The following APOE variants were observed in gnomAD, a reference collection of about 807,000 sequenced individuals.
APOE encodes apolipoprotein E3.
A neutral mutation model predicts 13.1 loss-of-function variants in APOE; 10 were observed. That is an observed-to-expected ratio of 0.76 (90% CI 0.47 to 1.29). The LOEUF (loss-of-function observed/expected upper bound fraction) is 1.29. Among genes scored for constraint, APOE ranks in the 50% most tolerant of loss-of-function variants. APOE has a pLI of 0.00. For synonymous variants in APOE, 211 were observed against 207.1 expected, an observed-to-expected ratio of 1.02 and a Z score of -0.16; for missense variants, 471 against 459.6, an observed-to-expected ratio of 1.02 and a Z score of -0.23.
At position 44,908,588 on chromosome 19, in the gene APOE, G is replaced by C. The variant is rs1440786605; in HGVS notation, c.292G>C (p.Glu98Gln). ...GAAGGCCTACAAATCGGAACTGGAG[G>C]AACAACTGACCCCGGTGGCGGAGGA... Reference protein sequence around the residue: ...ELKAYKSELEEQLTPVAEETR... With the variant: ...ELKAYKSELEQQLTPVAEETR... Residue 98 changes from glutamate (E) to glutamine (Q), a missense_variant, in exon 4 of 4, where the codon GAA becomes CAA. Glu to Gln is a conservative substitution (Grantham distance 29). Transcript: ENST00000252486. 2 of 1,613,438 alleles carry C rather than the reference G, an allele frequency of 1.2e-6. No homozygotes were observed. Among genetic ancestry groups the C allele is most frequent in the Admixed American group, 1.7e-5 (1 of 59,966 alleles).
Position 44,909,249 on chromosome 19 carries a change from G to A in APOE, c.953G>A (p.Ter318=), listed in dbSNP as rs775113061. ...GCCCCTGTGCCCAGCGACAATCACT[G>A]AACGCCGAAGCCTGCAGCCATGCGA... ...SAAPVPSDNH[*] is the part of the protein sequence containing the mutation. Residue 318 remains the stop codon, a stop_retained_variant, in exon 4 of 4, where the codon TGA becomes TAA. Transcript: ENST00000252486. The A allele has an allele frequency of 2.5e-6, 4 of 1,596,332 alleles. No homozygotes were observed. In the East Asian group the frequency reaches 6.7e-5, roughly 27 times the overall value.
chr19:44,906,672 G>C lies in APOE; in HGVS notation c.43+5G>C. 2 of 1,613,976 alleles carry C rather than the reference G, an allele frequency of 1.2e-6. No individual in the cohort carries two copies. The highest frequency in any genetic ancestry group is 1.7e-6 in the Non-Finnish European group (2 of 1,179,964). On this transcript the variant is annotated splice_donor_5th_base_variant and intron_variant, in intron 2 of 3. Coordinates refer to ENST00000252486, the MANE Select transcript of APOE (RefSeq NM_000041.4). ...TGCTGGTCACATTCCTGGCAGGTATGGGGGCGGGGCTTGCTCGGTTCCCCC... is the reference window on the plus strand; with the variant it reads ...TGCTGGTCACATTCCTGGCAGGTATCGGGGCGGGGCTTGCTCGGTTCCCCC...
chr19:44,908,506 G>A (rs377197947), intron 3 of APOE, 27 bp from the exon 4 acceptor site: 4 of 1,611,446 alleles, frequency 2.5e-6, no homozygotes, highest in Non-Finnish European at 2.5e-6. Flanking sequence ...CCCACTGTGC[G>A]ACACCCTCCC....
chr19:44,906,501 C>A, intron 1 of APOE, 101 bp from the exon 2 acceptor site: 1 of 1,259,270 alleles, frequency 7.9e-7, no homozygotes, highest in Non-Finnish European at 1.2e-6. Context: ...GATAATGCAA[C>A]AAGGCTTGGA....
rs139061516 is a variant in APOE, at chr19:44,906,672, G to A, written c.43+5G>A. On this transcript the variant is annotated splice_donor_5th_base_variant and intron_variant, in intron 2 of 3. Transcript: ENST00000252486. ...TGCTGGTCACATTCCTGGCAGGTAT[G>A]GGGGCGGGGCTTGCTCGGTTCCCCC... The A allele has an allele frequency of 1.9e-6, 3 of 1,613,976 alleles. No individual in the cohort carries two copies. Among genetic ancestry groups the A allele is most frequent in the East Asian group, 2.2e-5 (1 of 44,856 alleles).
rs1330553726 is a variant in APOE at position 44,909,033 on chromosome 19, G to T, written c.737G>T (p.Arg246Leu). 2 of 1,546,210 alleles carry T rather than the reference G, an allele frequency of 1.3e-6. No individual in the cohort carries two copies. Among genetic ancestry groups the T allele is most frequent in the South Asian group, 1.2e-5 (1 of 84,788 alleles). Residue 246 changes from arginine to leucine, a missense_variant, in exon 4 of 4, where the codon CGC becomes CTC. By Grantham distance (102) the Arg-to-Leu change is moderately radical (BLOSUM62 -2). Transcript: ENST00000252486. Reference protein sequence around the residue: ...MEEMGSRTRDRLDEVKEQVAE... With the variant: ...MEEMGSRTRDLLDEVKEQVAE... Reference sequence around the variant, plus strand: ...GAGATGGGCAGCCGGACCCGCGACCGCCTGGACGAGGTGAAGGAGCAGGTG... The same window carrying T: ...GAGATGGGCAGCCGGACCCGCGACCTCCTGGACGAGGTGAAGGAGCAGGTG...
rs1334659551 is a variant in APOE, at chr19:44,906,674, G to A, written c.43+7G>A. On this transcript the variant is annotated splice_region_variant and intron_variant, in intron 2 of 3. Coordinates refer to ENST00000252486, the MANE Select transcript of APOE (RefSeq NM_000041.4). ...CTGGTCACATTCCTGGCAGGTATGG[G>A]GGCGGGGCTTGCTCGGTTCCCCCCG... 6 of 1,613,958 alleles carry A rather than the reference G, an allele frequency of 3.7e-6. No individual in the cohort carries two copies. Among genetic ancestry groups the A allele is most frequent in the Non-Finnish European group, 4.2e-6 (5 of 1,179,970 alleles).
Position 44,907,981 on chromosome 19 carries a change from C to T in APOE, c.236+29C>T. On this transcript the variant is annotated intron_variant, in intron 3 of 3. Transcript: ENST00000252486. This position sits in a 1 kb window ranked among gnomAD's most constrained non-coding sequence, Gnocchi z 4.1. ...AGTGTCCCCATCCTGGCCCTTGACC[C>T]TCCTGGTGGGCGGCTATACCTCCCC... 1 of 1,607,272 alleles carries T rather than the reference C, an allele frequency of 6.2e-7. No homozygotes were observed. Among genetic ancestry groups the T allele is most frequent in the Non-Finnish European group, 8.5e-7 (1 of 1,177,096 alleles).
Position 44,909,270 on chromosome 19 carries a change from T to G in APOE, c.*20T>G, listed in dbSNP as rs201463764. ...CACTGAACGCCGAAGCCTGCAGCCATGCGACCCCACGCCACCCCGTGCCTC... is the reference window on the plus strand; with the variant it reads ...CACTGAACGCCGAAGCCTGCAGCCAGGCGACCCCACGCCACCCCGTGCCTC... On this transcript the variant is annotated 3_prime_UTR_variant, in exon 4 of 4. Transcript: ENST00000252486. 4.4e-6 allele frequency: 7 copies of G among 1,593,874 alleles called. No individual in the cohort carries two copies. The highest frequency in any genetic ancestry group is 5.1e-6 in the Non-Finnish European group (6 of 1,177,378).
In APOE at chr19:44,907,893, G is replaced by T; in HGVS notation, c.177G>T (p.Gln59His). The change falls in exon 3 of 4, where the codon CAG becomes CAT. Residue 59 changes from glutamine to histidine, a missense_variant. Transcript: ENST00000252486. The surrounding 1 kb of genome is among the most constrained non-coding windows in gnomAD (Gnocchi z 4.1). ...GRFWDYLRWV[Q>H]TLSEQVQEEL... is the part of the protein sequence containing the mutation. ...TTTGGGATTACCTGCGCTGGGTGCA[G>T]ACACTGTCTGAGCAGGTGCAGGAGG... is the stretch of plus-strand genomic sequence containing the variant. 1 of 1,614,042 alleles carries T rather than the reference G, an allele frequency of 6.2e-7. No individual in the cohort carries two copies. The highest frequency in any genetic ancestry group is 8.5e-7 in the Non-Finnish European group (1 of 1,179,948).
Position 44,909,274 on chromosome 19 carries a change from AC to A in APOE, c.*28del, listed in dbSNP as rs1969891474. 2 of 1,588,610 alleles carry A rather than the reference AC, an allele frequency of 1.3e-6. No homozygotes were observed. Among genetic ancestry groups the A allele is most frequent in the East Asian group, 4.5e-5 (2 of 44,768 alleles). ...GAACGCCGAAGCCTGCAGCCATGCG[AC>A]CCCACGCCACCCCGTGCCTCCTGCC... On this transcript the variant is annotated 3_prime_UTR_variant, in exon 4 of 4. Transcript: ENST00000252486.
At position 44,906,693 on chromosome 19, in the gene APOE, C is replaced by A. The variant is rs530431608; in HGVS notation, c.43+26C>A. On this transcript the variant is annotated intron_variant, in intron 2 of 3. Coordinates refer to ENST00000252486, the MANE Select transcript of APOE (RefSeq NM_000041.4). Reference sequence around the variant, plus strand: ...GTATGGGGGCGGGGCTTGCTCGGTTCCCCCCGCTCCTCCCCCTCTCATCCT... The same window carrying A: ...GTATGGGGGCGGGGCTTGCTCGGTTACCCCCGCTCCTCCCCCTCTCATCCT... 8.7e-6 allele frequency: 14 copies of A among 1,609,706 alleles called. No homozygotes were observed. The South Asian group carries it at 1.5e-4, about 18-fold the overall frequency.
intron 1 of APOE, among the ~76,000 whole-genome samples, chr19:44,906,194 C>T (rs1395447905): frequency 2.0e-5 from 3 of 152,042 alleles, no homozygotes; most frequent in African/African-American, 4.8e-5. Context: ...GGTAGCTAGC[C>T]GTCGATTGGA....
Position 44,907,067 on chromosome 19 carries a change from G to C in APOE, c.43+400G>C. 4.0e-6 allele frequency: 1 copy of C among 247,538 alleles called. No homozygotes were observed. The highest frequency in any genetic ancestry group is 8.0e-6 in the Non-Finnish European group (1 of 124,872). The allele number at this position is 247,538 out of a possible 1,614,324, so 15.3% of individuals were successfully genotyped here. ...GACTAACTTTTTTGTATTTTCAGTA[G>C]AGACGGGGTTTCACCATGTTGGCCA... On this transcript the variant is annotated intron_variant, in intron 2 of 3. Transcript: ENST00000252486. The surrounding 1 kb of genome is among the most constrained non-coding windows in gnomAD (Gnocchi z 4.1).
chr19:44,906,014 G>A, intron 1 of APOE, 173 bp downstream of exon 1: 2 of 1,038,532 alleles, frequency 1.9e-6, no homozygotes, highest in Non-Finnish European at 2.5e-6. Flanking sequence ...GGGAAGGGCT[G>A]GGCAGCAGAG....
chr19:44,905,824 G>T lies in APOE; in HGVS notation c.-41G>T. On this transcript the variant is annotated 5_prime_UTR_variant, in exon 1 of 4. Transcript: ENST00000252486. ...CTCAGCCCCAGCGGAGGTGAAGGAC[G>T]TCCTTCCCCAGGAGCCGGTGAGAAG... 1 of 1,295,728 alleles carries T rather than the reference G, an allele frequency of 7.7e-7. No homozygotes were observed. Among genetic ancestry groups the T allele is most frequent in the Non-Finnish European group, 1.0e-6 (1 of 984,642 alleles). The allele number at this position is 1,295,728 out of a possible 1,614,324, so 80.3% of individuals were successfully genotyped here.
intron 1 of APOE, chr19:44,906,280 G>A (rs1199509478): frequency 6.7e-6 from 3 of 448,932 alleles, no homozygotes; most frequent in Non-Finnish European, 1.2e-5. Context: ...CTTAGAATGT[G>A]AAGGGAGAAT....
Position 44,909,014 on chromosome 19 carries a change from G to C in APOE, c.718G>C (p.Gly240Arg), listed in dbSNP as rs1440369210. Residue 240 changes from glycine to arginine, a missense_variant, in exon 4 of 4, where the codon GGC (glycine) becomes CGC (arginine). Transcript: ENST00000252486. The stretch of plus-strand genomic sequence containing the variant: ...GCTGCGCGCGCGGATGGAGGAGATG[G>C]GCAGCCGGACCCGCGACCGCCTGGA... ...ERLRARMEEM[G>R]SRTRDRLDEV... 3.3e-6 allele frequency: 5 copies of C among 1,537,546 alleles called. No homozygotes were observed. Among genetic ancestry groups the C allele is most frequent in the Non-Finnish European group, 4.4e-6 (5 of 1,147,270 alleles).
chr19:44,907,806 C>A lies in APOE; in HGVS notation c.90C>A (p.Pro30=). The A allele has an allele frequency of 3.7e-6, 6 of 1,613,720 alleles. No homozygotes were observed. Among genetic ancestry groups the A allele is most frequent in the Non-Finnish European group, 5.1e-6 (6 of 1,179,940 alleles). Residue 30 remains proline (P), a synonymous_variant, in exon 3 of 4, where the codon CCC becomes CCA. Coordinates refer to ENST00000252486, the MANE Select transcript of APOE (RefSeq NM_000041.4). The surrounding 1 kb of genome is among the most constrained non-coding windows in gnomAD (Gnocchi z 4.1). ...VEQAVETEPE[P]ELRQQTEWQS... is the part of the protein sequence containing the mutation. Reference sequence around the variant, plus strand: ...AAGCGGTGGAGACAGAGCCGGAGCCCGAGCTGCGCCAGCAGACCGAGTGGC... The same window carrying A: ...AAGCGGTGGAGACAGAGCCGGAGCCAGAGCTGCGCCAGCAGACCGAGTGGC...
Sources: allele counts gnomAD v4.1 joint callset (sites outside exome capture counted in the v4.1 genomes callset), GRCh38; gene constraint gnomAD v4.1.1; non-coding constraint Gnocchi (gnomAD v3.1); transcripts MANE v1.5; gene names NCBI Gene and HGNC (gene_info 2026-07-23, HGNC 2026-07-21).